The following RPF1 variants were observed in gnomAD, a reference collection of about 807,000 sequenced individuals.
RPF1 encodes ribosome production factor 1 homolog.
In RPF1, 34 loss-of-function variants were observed where a neutral mutation model predicts 41.9. The ratio of observed to expected loss-of-function variants is 0.81; its 90% CI spans 0.62 to 1.08. The LOEUF is 1.08. Ranked by LOEUF, RPF1 falls within the 50% of genes least tolerant of loss-of-function variation. The pLI is 0.00. For missense variants in RPF1, 425 were observed against 435.2 expected (o/e 0.98, Z 0.21); for synonymous variants, 140 against 148.9 (o/e 0.94, Z 0.43).
chr1:84,484,157 G>C (rs1681700013), intron 3 of RPF1, among the ~76,000 whole-genome samples: 2 of 152,304 alleles, frequency 1.3e-5, no homozygotes, highest in East Asian at 3.9e-4. Context: ...ATGTAAGTAA[G>C]GTGTTTGTGT....
chr1:84,494,066 A>G (rs1472636960), intron 5 of RPF1, among the ~76,000 whole-genome samples: 1 of 152,210 alleles, frequency 6.6e-6, no homozygotes, highest in Non-Finnish European at 1.5e-5. Context: ...AGATATAATG[A>G]AACAGCTGAG....
At chr1:84,497,271 C>T (rs187306378) in intron 8 of RPF1, among the ~76,000 whole-genome samples, 158 bp from the exon 9 acceptor site, 1 of 151,856 alleles carries the variant, frequency 6.6e-6, no homozygotes, top group East Asian at 1.9e-4. Flanking sequence ...TTATATTAGA[C>T]CGAAGACTGA....
At chr1:84,480,559 T>C (rs1681625819) in intron 1 of RPF1, among the ~76,000 whole-genome samples, 1 of 152,186 alleles carries the variant, frequency 6.6e-6, no homozygotes, top group Non-Finnish European at 1.5e-5. Flanking sequence ...ATTCCTATTT[T>C]TAGTGCTTTT....
At chr1:84,483,265 T>C (rs1681682723) in intron 3 of RPF1, 5 of 397,988 alleles carry the variant, frequency 1.3e-5, no homozygotes, top group Admixed American at 1.2e-4. Flanking sequence ...TTTGTTTTTG[T>C]TTTTGTTTTT....
chr1:84,483,840 C>T (rs1681693194), intron 3 of RPF1, among the ~76,000 whole-genome samples: 1 of 152,174 alleles, frequency 6.6e-6, no homozygotes, highest in South Asian at 2.1e-4. Flanking sequence ...CATTCTTTCT[C>T]ATATCTCCTG....
At chr1:84,480,010 G>A (rs893268081) in intron 1 of RPF1, among the ~76,000 whole-genome samples, 1 of 152,168 alleles carries the variant, frequency 6.6e-6, no homozygotes, top group Non-Finnish European at 1.5e-5. Context: ...TACGTTTCTG[G>A]TAGGTAAACA....
At chr1:84,482,361 G>T (rs1212968721) in intron 2 of RPF1, among the ~76,000 whole-genome samples, 4 of 152,058 alleles carry the variant, frequency 2.6e-5, no homozygotes, top group Admixed American at 2.6e-4. Context: ...TCATTACCTT[G>T]TTGAACATTT....
chr1:84,492,427 T>C (rs1472973079), intron 5 of RPF1, among the ~76,000 whole-genome samples: 3 of 152,228 alleles, frequency 2.0e-5, no homozygotes, highest in Admixed American at 1.3e-4. Flanking sequence ...TGTAGAAACC[T>C]AGTAGTGGCT....
chr1:84,480,629 A>C (rs558888765), intron 1 of RPF1, among the ~76,000 whole-genome samples: 16 of 152,354 alleles, frequency 1.1e-4, no homozygotes, highest in Admixed American at 3.9e-4. Context: ...TAGGCAAAAC[A>C]AAACACAGTG....
chr1:84,495,306 C>A, intron 5 of RPF1, 67 bp from the exon 6 acceptor site: 1 of 792,224 alleles, frequency 1.3e-6, no homozygotes, highest in Non-Finnish European at 2.1e-6. Flanking sequence ...ATGTAGAGGA[C>A]CAGTTATTTA....
Position 84,479,373 on chromosome 1 carries a change from C to T in RPF1, c.92C>T (p.Ala31Val). The T allele has an allele frequency of 6.2e-7, 1 of 1,614,058 alleles. No individual in the cohort carries two copies. Among genetic ancestry groups the T allele is most frequent in the East Asian group, 2.2e-5 (1 of 44,886 alleles). ...GAAGAACTTCAGGAGGCTGCAGGCG[C>T]TGGGGATGGGGCGACGGAAAACGGG... ...AAEELQEAAG[A>V]GDGATENGVQ... The change falls in exon 1 of 9, where the codon GCT (alanine) becomes GTT (valine). Residue 31 changes from alanine (A) to valine (V), a missense_variant. Coordinates refer to ENST00000370654, the MANE Select transcript of RPF1 (RefSeq NM_025065.7).
At position 84,479,291 on chromosome 1, in the gene RPF1, G is replaced by C; in HGVS notation, c.10G>C (p.Ala4Pro). 6.3e-7 allele frequency: 1 copy of C among 1,599,262 alleles called. No homozygotes were observed. The highest frequency in any genetic ancestry group is 8.5e-7 in the Non-Finnish European group (1 of 1,173,244). Reference protein sequence around the residue: MAKAGDKSSSSGKK... With the variant: MAKPGDKSSSSGKK... ...CAAAGGAGCCAAGACCATGGCGAAA[G>C]CCGGGGATAAGAGCAGCAGCAGCGG... is the stretch of plus-strand genomic sequence containing the variant. The change falls in exon 1 of 9, where the codon GCC (alanine) becomes CCC (proline). Residue 4 changes from alanine to proline, a missense_variant. Coordinates refer to ENST00000370654, the MANE Select transcript of RPF1 (RefSeq NM_025065.7).
At chr1:84,481,653 C>T (rs1231737697) in intron 2 of RPF1, among the ~76,000 whole-genome samples, 1 of 152,112 alleles carries the variant, frequency 6.6e-6, no homozygotes, top group Non-Finnish European at 1.5e-5. Context: ...ATTTGTGGTA[C>T]TCATAAGAAG....
chr1:84,492,298 C>T (rs190700865), intron 5 of RPF1, among the ~76,000 whole-genome samples: 108 of 152,228 alleles, frequency 7.1e-4, no homozygotes, highest in African/African-American at 2.5e-3. Context: ...AGGAACATGG[C>T]GTCTTTCTAA....
intron 3 of RPF1, among the ~76,000 whole-genome samples, chr1:84,489,290 G>C (rs1681790860): frequency 6.6e-6 from 1 of 151,532 alleles, no homozygotes; most frequent in South Asian, 2.1e-4. Flanking sequence ...AGTTTTTTTT[G>C]GTTCTTTTTT....
Position 84,479,402 on chromosome 1 carries a change from CA to C in RPF1, c.123del (p.Gln41HisfsTer25). 1.9e-6 allele frequency: 3 copies of C among 1,614,200 alleles called. No homozygotes were observed. The highest frequency in any genetic ancestry group is 2.5e-6 in the Non-Finnish European group (3 of 1,180,026). On this transcript the variant is annotated frameshift_variant, in exon 1 of 9. Coordinates refer to ENST00000370654, the MANE Select transcript of RPF1 (RefSeq NM_025065.7). LOFTEE classifies it high-confidence loss of function. ...AGDGATENGV[Q>X]PPKAAAFPPG... Reference sequence around the variant, plus strand: ...GGATGGGGCGACGGAAAACGGGGTCCAACCCCCGAAAGCGGCTGCCTTTCCG... The same window carrying C: ...GGATGGGGCGACGGAAAACGGGGTCCACCCCCGAAAGCGGCTGCCTTTCCG...
chr1:84,496,300 C>A lies in RPF1; in HGVS notation c.938C>A (p.Thr313Asn). Residue 313 changes from threonine (T) to asparagine (N), a missense_variant, in exon 8 of 9, where the codon ACC (threonine) becomes AAC (asparagine). By Grantham distance (65) the Thr-to-Asn change is moderately conservative. Coordinates refer to ENST00000370654, the MANE Select transcript of RPF1 (RefSeq NM_025065.7). ...VGIQELGPRF[T>N]LKLRSLQKGT... ...ATTCAGGAACTTGGACCACGTTTTA[C>A]CTTAAAATTAAGGTCTCTTCAGAAA... The A allele has an allele frequency of 6.2e-7, 1 of 1,613,172 alleles. No individual in the cohort carries two copies. Among genetic ancestry groups the A allele is most frequent in the Non-Finnish European group, 8.5e-7 (1 of 1,179,306 alleles).
At chr1:84,481,438 C>T (rs1681644890) in intron 2 of RPF1, among the ~76,000 whole-genome samples, 1 of 152,160 alleles carries the variant, frequency 6.6e-6, no homozygotes, top group East Asian at 1.9e-4. Context: ...TGGCTCTTGT[C>T]ATGTGAAGCA....
intron 3 of RPF1, among the ~76,000 whole-genome samples, chr1:84,483,603 T>C (rs1417317850): frequency 6.6e-6 from 1 of 152,188 alleles, no homozygotes; most frequent in Non-Finnish European, 1.5e-5. Context: ...CTATCGACTT[T>C]TGTAGTATTT....
Sources: allele counts gnomAD v4.1 joint callset (sites outside exome capture counted in the v4.1 genomes callset), GRCh38; gene constraint gnomAD v4.1.1; transcripts MANE v1.5; gene names NCBI Gene and HGNC (gene_info 2026-07-23, HGNC 2026-07-21).